The following GRM7 variants were observed in gnomAD, a reference collection of about 807,000 sequenced individuals.
GRM7 encodes the protein glutamate metabotropic receptor 7.
Under a neutral mutation model 84.5 loss-of-function variants are expected in GRM7, and 35 were observed. The observed-to-expected ratio is 0.41, with a 90% CI of 0.32 to 0.55. GRM7 has a LOEUF of 0.55. GRM7 is among the 20% of genes least tolerant of loss of function. GRM7 has a pLI of 0.19. For missense variants in GRM7, 1,003 were observed against 1,194.6 expected (o/e 0.84, Z 2.36); for synonymous variants, 487 against 455.1 (o/e 1.07, Z -0.89).
chr3:7,086,316 A>C (rs7637154), intron 1 of GRM7, among the ~76,000 whole-genome samples: 1 of 151,810 alleles, frequency 6.6e-6, no homozygotes, highest in East Asian at 1.9e-4. Flanking sequence ...ATCTGTATCC[A>C]CTTATAAATA....
chr3:7,491,676 G>C (rs2124951132), intron 7 of GRM7, among the ~76,000 whole-genome samples: 1 of 152,262 alleles, frequency 6.6e-6, no homozygotes. Flanking sequence ...AGTTGGAGTT[G>C]GATGCCAGCT....
At chr3:7,317,302 G>A (rs1203303380) in intron 4 of GRM7, among the ~76,000 whole-genome samples, 1 of 151,856 alleles carries the variant, frequency 6.6e-6, no homozygotes, top group Non-Finnish European at 1.5e-5. Flanking sequence ...AGACCTTAAG[G>A]AGAACTATAG....
At chr3:6,962,459 C>A (rs503437) in intron 1 of GRM7, among the ~76,000 whole-genome samples, 42,813 of 151,870 alleles carry the variant, frequency 0.28, 6,160 homozygotes, top group African/African-American at 0.33. Flanking sequence ...GGCCCACATA[C>A]AAAATGAGAA....
At position 7,416,463 on chromosome 3, in the gene GRM7, C is replaced by T. The variant is rs569067629; in HGVS notation, c.1174+1300C>T. 1.3e-3 allele frequency among the ~76,000 whole-genome samples: 196 copies of T among 152,166 alleles called. No individual in the cohort carries two copies. In the Middle Eastern group the frequency reaches 0.014, roughly 11 times the overall value. ...CTTTGTAATGTAGCTGTTTGAATAC[C>T]GGTCACCCACATGTTGTAGATTAAT... On this transcript the variant is annotated intron_variant, in intron 5 of 9. Coordinates refer to ENST00000357716, the MANE Select transcript of GRM7 (RefSeq NM_000844.4).
At chr3:6,938,896 C>T (rs1321128615) in intron 1 of GRM7, among the ~76,000 whole-genome samples, 1 of 152,146 alleles carries the variant, frequency 6.6e-6, no homozygotes, top group African/African-American at 2.4e-5. Flanking sequence ...CATTGATATT[C>T]CTTCTTATTA....
At chr3:7,281,286 T>G (rs1447594980) in intron 2 of GRM7, among the ~76,000 whole-genome samples, 1 of 152,224 alleles carries the variant, frequency 6.6e-6, no homozygotes, top group Non-Finnish European at 1.5e-5. Flanking sequence ...CTATTTTTTT[T>G]GCAGTGCTAA....
intron 2 of GRM7, among the ~76,000 whole-genome samples, chr3:7,238,996 C>T (rs1446838431): frequency 5.9e-5 from 7 of 118,342 alleles, no homozygotes; most frequent in African/African-American, 1.3e-4. Context: ...TTTCTTTTTT[C>T]CTTTTTCTTT....
intron 4 of GRM7, among the ~76,000 whole-genome samples, chr3:7,322,021 G>A (rs951501631): frequency 9.9e-5 from 15 of 151,796 alleles, no homozygotes; most frequent in African/African-American, 3.4e-4. Context: ...CATCGTCAAT[G>A]GTAAAATAAA....
chr3:7,276,207 A>ATGTG (rs923161861), intron 2 of GRM7, among the ~76,000 whole-genome samples: 49 of 96,698 alleles, frequency 5.1e-4, no homozygotes, highest in East Asian at 8.4e-4. Context: ...ATATATATAT[A>ATGTG]TGTGTGTGTG....
chr3:6,955,273 C>T (rs112706847), intron 1 of GRM7, among the ~76,000 whole-genome samples: 23,164 of 152,178 alleles, frequency 0.15, 1,942 homozygotes, highest in East Asian at 0.33. Context: ...TGGTGGCTTA[C>T]GCCTGTAATC....
At chr3:7,042,349 A>C (rs1696655467) in intron 1 of GRM7, among the ~76,000 whole-genome samples, 1 of 152,222 alleles carries the variant, frequency 6.6e-6, no homozygotes, top group Non-Finnish European at 1.5e-5. Flanking sequence ...CTTGGTGATC[A>C]CAGGGCACAG....
In GRM7 at chr3:7,099,563, G is replaced by A. The variant is rs986641364; in HGVS notation, c.520-46889G>A. Among the ~76,000 whole-genome samples, 44 of 142,486 alleles carry A rather than the reference G, an allele frequency of 3.1e-4. 4 individuals carry two copies. The highest frequency in any genetic ancestry group is 1.0e-3 in the Admixed American group (14 of 13,364). 93.5% of individuals were successfully genotyped at this position (142,486 alleles called of 152,430 possible). A position where few individuals can be genotyped will look rare whatever the true frequency, so the allele number is the denominator to read the frequency against. On this transcript the variant is annotated intron_variant, in intron 1 of 9. Coordinates refer to ENST00000357716, the MANE Select transcript of GRM7 (RefSeq NM_000844.4). The stretch of plus-strand genomic sequence containing the variant: ...TGTACACATATATGTATATGTACAC[G>A]CATTATACATGTGCACATATATGTA...
At chr3:7,662,050 A>G (rs1699481692) in intron 8 of GRM7, among the ~76,000 whole-genome samples, 1 of 152,166 alleles carries the variant, frequency 6.6e-6, no homozygotes, top group African/African-American at 2.4e-5. Context: ...TATCCTTGCA[A>G]TGGAAAACTA....
rs113518525 is a variant in GRM7 at position 7,629,584 on chromosome 3, G to T, written c.2451+50227G>T. Among the ~76,000 whole-genome samples, 475 of 152,182 alleles carry T rather than the reference G, an allele frequency of 3.1e-3. 6 individuals carry two copies. The highest frequency in any genetic ancestry group is 0.011 in the African/African-American group (457 of 41,520). On this transcript the variant is annotated intron_variant, in intron 8 of 9. Coordinates refer to ENST00000357716, the MANE Select transcript of GRM7 (RefSeq NM_000844.4). ...TTATAGGCTCTATGTTCAAATATACGTGCATTGGGGGTTAGGGCTGCCTCA... is the reference window on the plus strand; with the variant it reads ...TTATAGGCTCTATGTTCAAATATACTTGCATTGGGGGTTAGGGCTGCCTCA...
intron 1 of GRM7, among the ~76,000 whole-genome samples, chr3:6,945,054 A>T (rs1698014052): frequency 1.3e-5 from 2 of 149,938 alleles, no homozygotes; most frequent in Non-Finnish European, 3.0e-5. Flanking sequence ...TCTGACTAGA[A>T]TTTTTTTTTT....
At chr3:7,033,847 G>A (rs922690905) in intron 1 of GRM7, among the ~76,000 whole-genome samples, 3 of 152,156 alleles carry the variant, frequency 2.0e-5, no homozygotes, top group African/African-American at 4.8e-5. Flanking sequence ...AAAGTGACTC[G>A]AGGGTGTGAA....
chr3:7,244,984 TAAA>T (rs1697704328), intron 2 of GRM7, among the ~76,000 whole-genome samples: 2 of 152,032 alleles, frequency 1.3e-5, no homozygotes, highest in Middle Eastern at 3.4e-3. Flanking sequence ...AAAAACAACT[TAAA>T]AATGACTAAA....
At chr3:7,194,177 C>T (rs529475251) in intron 2 of GRM7, among the ~76,000 whole-genome samples, 6 of 152,154 alleles carry the variant, frequency 3.9e-5, no homozygotes, top group South Asian at 2.1e-4. Flanking sequence ...TTGTGGTTTC[C>T]GGTTTACTCA....
intron 7 of GRM7, among the ~76,000 whole-genome samples, chr3:7,509,388 A>G (rs140658724): frequency 1.6e-3 from 246 of 152,280 alleles, no homozygotes; most frequent in African/African-American, 5.7e-3. Context: ...ACATTTGCCA[A>G]TCCCTGACAT....
Sources: gnomAD v4.1 joint callset for allele counts (sites outside exome capture counted in the v4.1 genomes callset) on GRCh38, gnomAD v4.1.1 for gene constraint, MANE v1.5 for transcripts, NCBI Gene and HGNC (gene_info 2026-07-23, HGNC 2026-07-21) for gene names.